Variants in JPH1 observed in about 807,000 individuals in gnomAD.
JPH1 encodes junctophilin-1.
In JPH1, 12 loss-of-function variants were observed where a neutral mutation model predicts 53.6. The ratio of observed to expected loss-of-function variants is 0.22; its 90% CI spans 0.14 to 0.36. The LOEUF is 0.36. Among genes scored for constraint, JPH1 ranks in the 10% least tolerant of loss-of-function variants. The pLI is 1.00. For missense variants in JPH1, 808 were observed against 905.5 expected (o/e 0.89, Z 1.38); for synonymous variants, 375 against 363.8 (o/e 1.03, Z -0.35).
At chr8:74,282,188 A>T (rs1355702331) in intron 2 of JPH1, among the ~76,000 whole-genome samples, 2 of 152,188 alleles carry the variant, frequency 1.3e-5, no homozygotes, top group Admixed American at 6.5e-5. Flanking sequence ...GCCTGACCCC[A>T]AAGCATGTGT....
chr8:74,247,867 C>A (rs1307121289), intron 3 of JPH1, among the ~76,000 whole-genome samples: 1 of 152,118 alleles, frequency 6.6e-6, no homozygotes, highest in Non-Finnish European at 1.5e-5. Context: ...ATATATACAA[C>A]TATAACTTAT....
At chr8:74,295,396 C>T (rs1426056366) in intron 2 of JPH1, among the ~76,000 whole-genome samples, 1 of 152,178 alleles carries the variant, frequency 6.6e-6, no homozygotes, top group Non-Finnish European at 1.5e-5. Context: ...CTCAATTTCT[C>T]AGCCCAGAAC....
At position 74,245,181 on chromosome 8, in the gene JPH1, C is replaced by CAAAA. The variant is rs148651924; in HGVS notation, c.1259-10_1259-7dup. ...CTGTTTGACGTAATCAGGGCCTGGC[C>CAAAA]AAAAAAAAAAGAAAAAAGAAAAAAA... On this transcript the variant is annotated splice_polypyrimidine_tract_variant and splice_region_variant and intron_variant, in intron 3 of 5. Transcript: ENST00000342232. 163 of 1,252,714 alleles carry CAAAA rather than the reference C, an allele frequency of 1.3e-4. No homozygotes were observed. The highest frequency in any genetic ancestry group is 4.3e-4 in the African/African-American group (25 of 57,706). The allele number at this position is 1,252,714 out of a possible 1,614,324, so 77.6% of individuals were successfully genotyped here. A position where few individuals can be genotyped will look rare whatever the true frequency, so the allele number is the denominator to read the frequency against.
intron 3 of JPH1, among the ~76,000 whole-genome samples, chr8:74,257,680 G>T (rs961861061): frequency 6.6e-6 from 1 of 152,164 alleles, no homozygotes; most frequent in Non-Finnish European, 1.5e-5. Context: ...CGCCAGAGGA[G>T]AGTTTATTCC....
rs769479469 is a variant in JPH1, at chr8:74,315,655, G to C, written c.380-35C>G. 3 of 1,553,698 alleles carry C rather than the reference G, an allele frequency of 1.9e-6. No individual in the cohort carries two copies. Among genetic ancestry groups the C allele is most frequent in the South Asian group, 2.4e-5 (2 of 83,396 alleles). On this transcript the variant is annotated intron_variant, in intron 1 of 5. Transcript: ENST00000342232. This position sits in a 1 kb window ranked among gnomAD's most constrained non-coding sequence, Gnocchi z 6.3. ...ACCGCAAGAAAGCACCGTGAGTCGG[G>C]GGCAGAGCTGCACCGTCACCTGCAC...
chr8:74,269,850 G>A (rs1288961325), intron 2 of JPH1, among the ~76,000 whole-genome samples: 3 of 152,204 alleles, frequency 2.0e-5, no homozygotes, highest in African/African-American at 7.2e-5. Flanking sequence ...ACTATGTTGT[G>A]AAAAGAAGTT....
chr8:74,289,197 G>A (rs953365041), intron 2 of JPH1, among the ~76,000 whole-genome samples: 3 of 152,178 alleles, frequency 2.0e-5, no homozygotes, highest in African/African-American at 7.2e-5. Context: ...AGAAAATGGA[G>A]CAACAGTCCA....
intron 2 of JPH1, among the ~76,000 whole-genome samples, chr8:74,277,502 T>C (rs1006555726): frequency 6.6e-6 from 1 of 152,240 alleles, no homozygotes; most frequent in Non-Finnish European, 1.5e-5. Context: ...TACATCATAT[T>C]GGAACACAGC....
chr8:74,243,232 ATAGTTG>A (rs1265664311), intron 4 of JPH1, among the ~76,000 whole-genome samples: 1 of 152,250 alleles, frequency 6.6e-6, no homozygotes, highest in African/African-American at 2.4e-5. Flanking sequence ...AGTGATTATT[ATAGTTG>A]TAATGTCAAG....
intron 2 of JPH1, among the ~76,000 whole-genome samples, chr8:74,275,974 G>T (rs1284732688): frequency 6.6e-6 from 1 of 152,066 alleles, no homozygotes; most frequent in African/African-American, 2.4e-5. Context: ...CCTAATTATG[G>T]TTCGAATTTG....
intron 2 of JPH1, among the ~76,000 whole-genome samples, chr8:74,297,330 C>G (rs1047968299): frequency 1.3e-5 from 2 of 152,192 alleles, no homozygotes; most frequent in East Asian, 3.8e-4. Flanking sequence ...TATGTAGATT[C>G]TCTATTACAA....
intron 3 of JPH1, among the ~76,000 whole-genome samples, chr8:74,251,663 A>T (rs1409163860): frequency 6.6e-6 from 1 of 152,146 alleles, no homozygotes; most frequent in Non-Finnish European, 1.5e-5. Context: ...ATAATCTACT[A>T]GCAACCTTTT....
intron 2 of JPH1, among the ~76,000 whole-genome samples, chr8:74,296,032 A>ACACACACACG (rs1807507119): frequency 6.6e-6 from 1 of 151,792 alleles, no homozygotes; most frequent in Non-Finnish European, 1.5e-5. Context: ...ACACACACAC[A>ACACACACACG]CACACACACA....
At chr8:74,257,380 G>C (rs923318636) in intron 3 of JPH1, among the ~76,000 whole-genome samples, 1 of 152,114 alleles carries the variant, frequency 6.6e-6, no homozygotes, top group Non-Finnish European at 1.5e-5. Flanking sequence ...ATGATCTTTC[G>C]TATCATTTAC....
At chr8:74,279,289 A>C (rs913858575) in intron 2 of JPH1, among the ~76,000 whole-genome samples, 1 of 152,258 alleles carries the variant, frequency 6.6e-6, no homozygotes, top group Non-Finnish European at 1.5e-5. Context: ...AAATGTTGTC[A>C]ACAGTAATTT....
Position 74,250,565 on chromosome 8 carries a change from G to A in JPH1, c.1259-5390C>T, listed in dbSNP as rs568350414. 3.9e-5 allele frequency among the ~76,000 whole-genome samples: 6 copies of A among 152,298 alleles called. No individual in the cohort carries two copies. In the East Asian group the frequency reaches 7.7e-4, roughly 20 times the overall value. On this transcript the variant is annotated intron_variant, in intron 3 of 5. Coordinates refer to ENST00000342232, the MANE Select transcript of JPH1 (RefSeq NM_020647.4). ...CCTCTAAAGCAAGCTTGTACAACCC[G>A]TGGCCCAACACAAATTCATAAACTT...
chr8:74,243,790 G>A (rs1336603015), intron 4 of JPH1, among the ~76,000 whole-genome samples: 1 of 152,102 alleles, frequency 6.6e-6, no homozygotes, highest in Non-Finnish European at 1.5e-5. Flanking sequence ...TTTAAAGAAG[G>A]TATAAAGATT....
intron 2 of JPH1, among the ~76,000 whole-genome samples, chr8:74,283,968 T>C (rs1209459062): frequency 6.6e-6 from 1 of 152,170 alleles, no homozygotes; most frequent in African/African-American, 2.4e-5. Context: ...GACTTTCTCC[T>C]TTTCCTTACA....
At chr8:74,275,250 G>T (rs1300477010) in intron 2 of JPH1, among the ~76,000 whole-genome samples, 2 of 152,050 alleles carry the variant, frequency 1.3e-5, no homozygotes, top group African/African-American at 2.4e-5. Flanking sequence ...ATGTAGTCAG[G>T]GATACAGACT....
Sources: gnomAD v4.1 joint callset for allele counts (sites outside exome capture counted in the v4.1 genomes callset) on GRCh38, gnomAD v4.1.1 for gene constraint, Gnocchi (gnomAD v3.1) non-coding constraint, MANE v1.5 for transcripts, NCBI Gene and HGNC (gene_info 2026-07-23, HGNC 2026-07-21) for gene names.